TRHR: variants seen among roughly 807,000 people sequenced by gnomAD.
TRHR encodes the protein thyrotropin-releasing hormone receptor.
In TRHR, 14 loss-of-function variants were observed where a neutral mutation model predicts 28.0. That is an observed-to-expected ratio of 0.50 (90% confidence interval 0.33 to 0.78). The LOEUF is 0.78. Among genes scored for constraint, TRHR ranks in the 30% least tolerant of loss-of-function variants. The pLI, the probability that TRHR is intolerant of heterozygous loss-of-function variation, is 0.02. For synonymous variants in TRHR, 176 were observed against 171.9 expected (o/e 1.02, Z -0.18); for missense variants, 438 against 469.5 (o/e 0.93, Z 0.62).
chr8:109,120,714 C>A lies in TRHR; in HGVS notation c.*1259C>A, dbSNP rs1417138919. 6.6e-6 allele frequency among the ~76,000 whole-genome samples: 1 copy of A among 151,712 alleles called. No homozygotes were observed. The highest frequency in any genetic ancestry group is 1.5e-5 in the Non-Finnish European group (1 of 67,828). ...ATATTTATGACTGACATCTGCTATT[C>A]CAGTGTTTATTGGAGACTTGTGAAT... On this transcript the variant is annotated 3_prime_UTR_variant, in exon 3 of 3. Coordinates refer to ENST00000518632, the MANE Select transcript of TRHR (RefSeq NM_003301.7).
chr8:109,103,429 A>C (rs1229046831), intron 2 of TRHR, among the ~76,000 whole-genome samples: 1 of 152,190 alleles, frequency 6.6e-6, no homozygotes, highest in East Asian at 1.9e-4. Context: ...CCTCAAAGGA[A>C]TGTGATAGTG....
intron 2 of TRHR, among the ~76,000 whole-genome samples, chr8:109,104,045 G>GA (rs1811716019): frequency 6.6e-6 from 1 of 152,162 alleles, no homozygotes; most frequent in Non-Finnish European, 1.5e-5. Flanking sequence ...GTTCTCATTA[G>GA]AAAGATCTTG....
Position 109,119,427 on chromosome 8 carries a change from C to T in TRHR, c.1169C>T (p.Ala390Val), listed in dbSNP as rs143795263. 3.2e-4 allele frequency: 516 copies of T among 1,612,008 alleles called. No homozygotes were observed. Among genetic ancestry groups the T allele is most frequent in the Non-Finnish European group, 4.3e-4 (503 of 1,178,864 alleles). ...GTGTCTTTTGATGACACCTGCTTGG[C>T]TTCTGAGGTATCCTTTAGCCAAAGT... ...TKVSFDDTCL[A>V]SEVSFSQS is the part of the protein sequence containing the mutation. The change falls in exon 3 of 3, where the codon GCT becomes GTT. Residue 390 changes from alanine to valine, a missense_variant. Transcript: ENST00000518632.
At chr8:109,111,151 C>CA (rs1563626536) in intron 2 of TRHR, among the ~76,000 whole-genome samples, 1 of 151,650 alleles carries the variant, frequency 6.6e-6, no homozygotes, top group Non-Finnish European at 1.5e-5. Context: ...AACTCCATCT[C>CA]AAAAAAACAA....
intron 2 of TRHR, among the ~76,000 whole-genome samples, chr8:109,106,925 C>T (rs1811759449): frequency 6.6e-6 from 1 of 152,046 alleles, no homozygotes; most frequent in Admixed American, 6.6e-5. Context: ...TAATGAGAGA[C>T]AATACATAAG....
At chr8:109,115,203 T>G (rs1488745645) in intron 2 of TRHR, among the ~76,000 whole-genome samples, 1 of 152,098 alleles carries the variant, frequency 6.6e-6, no homozygotes, top group Non-Finnish European at 1.5e-5. Flanking sequence ...TACCATGCTG[T>G]TTTGGTTACT....
intron 2 of TRHR, among the ~76,000 whole-genome samples, chr8:109,089,640 C>T (rs765666409): frequency 5.4e-4 from 82 of 152,164 alleles, no homozygotes; most frequent in Non-Finnish European, 1.1e-3. Flanking sequence ...TCTTAGATTT[C>T]TTTTGCCTTG....
chr8:109,110,953 C>T (rs1292554782), intron 2 of TRHR, among the ~76,000 whole-genome samples: 1 of 152,044 alleles, frequency 6.6e-6, no homozygotes, highest in African/African-American at 2.4e-5. Context: ...ATCAGGAGTT[C>T]CAGACCAGCC....
At chr8:109,095,705 C>T (rs1326833206) in intron 2 of TRHR, among the ~76,000 whole-genome samples, 1 of 152,160 alleles carries the variant, frequency 6.6e-6, no homozygotes, top group Non-Finnish European at 1.5e-5. Context: ...ACACCAAATC[C>T]AATAGGTCTA....
intron 2 of TRHR, among the ~76,000 whole-genome samples, chr8:109,095,891 G>C (rs1199804625): frequency 6.6e-6 from 1 of 150,826 alleles, no homozygotes; most frequent in East Asian, 2.0e-4. Context: ...TTATTCTCCT[G>C]CTGACCTACT....
In TRHR at chr8:109,121,176, G is replaced by A. The variant is rs1216023424; in HGVS notation, c.*1721G>A. Among the ~76,000 whole-genome samples the A allele has an allele frequency of 6.6e-6, 1 of 151,156 alleles. No individual in the cohort carries two copies. Among genetic ancestry groups the A allele is most frequent in the Non-Finnish European group, 1.5e-5 (1 of 67,664 alleles). On this transcript the variant is annotated 3_prime_UTR_variant, in exon 3 of 3. Coordinates refer to ENST00000518632, the MANE Select transcript of TRHR (RefSeq NM_003301.7). ...AATGAATGCAAGCAAATATTTGCAG[G>A]AAATACCCTAAAACCCTACCTGCAT...
chr8:109,087,305 T>G, intron 1 of TRHR, 120 bp from the exon 2 acceptor site: 7 of 626,738 alleles, frequency 1.1e-5, no homozygotes, highest in Non-Finnish European at 1.7e-5. Flanking sequence ...GAAGTACACA[T>G]GAGCCCTATT....
intron 2 of TRHR, among the ~76,000 whole-genome samples, chr8:109,101,647 G>A (rs1485438832): frequency 6.6e-6 from 1 of 152,178 alleles, no homozygotes; most frequent in Non-Finnish European, 1.5e-5. Flanking sequence ...GACAACAGTA[G>A]AGAAGAAACA....
At chr8:109,116,137 T>C (rs1199190289) in intron 2 of TRHR, among the ~76,000 whole-genome samples, 1 of 152,198 alleles carries the variant, frequency 6.6e-6, no homozygotes, top group Non-Finnish European at 1.5e-5. Context: ...CAGCCTTGCA[T>C]CCCAGGGATG....
chr8:109,097,655 T>C (rs1319690413), intron 2 of TRHR, among the ~76,000 whole-genome samples: 1 of 152,040 alleles, frequency 6.6e-6, no homozygotes, highest in African/African-American at 2.4e-5. Context: ...GCTTGAAAAA[T>C]GAGTAGGCAT....
At chr8:109,109,310 TC>T (rs1811794318) in intron 2 of TRHR, among the ~76,000 whole-genome samples, 1 of 151,946 alleles carries the variant, frequency 6.6e-6, no homozygotes, top group Admixed American at 6.6e-5. Flanking sequence ...GATGTTGGAG[TC>T]CAATATATCA....
intron 2 of TRHR, among the ~76,000 whole-genome samples, chr8:109,112,235 GC>G (rs1370017533): frequency 1.3e-5 from 2 of 152,134 alleles, no homozygotes; most frequent in African/African-American, 4.8e-5. Flanking sequence ...CCATGAGCAT[GC>G]ACAGAACCTT....
intron 2 of TRHR, among the ~76,000 whole-genome samples, chr8:109,093,140 C>T (rs1383706452): frequency 6.6e-6 from 1 of 152,052 alleles, no homozygotes; most frequent in Non-Finnish European, 1.5e-5. Context: ...CCTCATAGTG[C>T]TATTGCTGAA....
At chr8:109,107,621 G>T (rs1310632426) in intron 2 of TRHR, among the ~76,000 whole-genome samples, 1 of 152,142 alleles carries the variant, frequency 6.6e-6, no homozygotes, top group Non-Finnish European at 1.5e-5. Flanking sequence ...CTCAAATTAT[G>T]TTCTTAATCA....
Sources: gnomAD v4.1 joint callset for allele counts (sites outside exome capture counted in the v4.1 genomes callset) on GRCh38, gnomAD v4.1.1 for gene constraint, MANE v1.5 for transcripts, NCBI Gene and HGNC (gene_info 2026-07-23, HGNC 2026-07-21) for gene names.